The following CREM variants were observed in gnomAD, a reference collection of about 807,000 sequenced individuals.
The protein encoded by CREM is cAMP-responsive element modulator.
A neutral mutation model predicts 37.3 loss-of-function variants in CREM; 13 were observed. The observed-to-expected ratio is 0.35, with a 90% CI of 0.23 to 0.55. The LOEUF is 0.55. Among genes scored for constraint, CREM ranks in the 20% least tolerant of loss-of-function variants. The pLI, the probability that CREM is intolerant of heterozygous loss-of-function variation, is 0.88. For missense variants in CREM, 296 were observed against 362.3 expected, an observed-to-expected ratio of 0.82 and a Z score of 1.49; for synonymous variants, 124 against 120.2, an observed-to-expected ratio of 1.03 and a Z score of -0.21.
In CREM at chr10:35,175,529, G is replaced by A. The variant is rs561690051; in HGVS notation, c.169-3360G>A. ...TAGTTTATACTCTGGCCTAAGAAAG[G>A]CTTCACTGTTAGTAGGCGTGAGGTC... On this transcript the variant is annotated intron_variant, in intron 3 of 7. Coordinates refer to ENST00000685392, the MANE Select transcript of CREM (RefSeq NM_183011.2). 3.6e-5 allele frequency: 25 copies of A among 697,190 alleles called. No individual in the cohort carries two copies. The African/African-American group carries it at 4.5e-4, about 13-fold the overall frequency. The allele number at this position is 697,190 out of a possible 1,614,324, so 43.2% of individuals were successfully genotyped here. A position where few individuals can be genotyped will look rare whatever the true frequency, so the allele number is the denominator to read the frequency against.
At chr10:35,133,578 C>T (rs4294520) in intron 1 of CREM, among the ~76,000 whole-genome samples, 44,548 of 152,088 alleles carry the variant, frequency 0.29, 7,071 homozygotes, top group South Asian at 0.35. Flanking sequence ...GGATTACAGG[C>T]GTGAGCCATG....
At chr10:35,173,507 C>A (rs938609423) in intron 3 of CREM, among the ~76,000 whole-genome samples, 1 of 152,102 alleles carries the variant, frequency 6.6e-6, no homozygotes, top group Non-Finnish European at 1.5e-5. Context: ...AAAATGTAAT[C>A]ATTTTTCATA....
At chr10:35,196,027 G>A in intron 6 of CREM, 1 of 1,612,686 alleles carries the variant, frequency 6.2e-7, no homozygotes, top group Non-Finnish European at 8.5e-7. Context: ...GTGGTTGTCT[G>A]CTTGAAGAGG....
chr10:35,139,936 A>G (rs901185926), intron 2 of CREM, among the ~76,000 whole-genome samples: 1 of 152,190 alleles, frequency 6.6e-6, no homozygotes, highest in Non-Finnish European at 1.5e-5. Flanking sequence ...TGCCTGGTAC[A>G]GTGCTTGACC....
At chr10:35,161,844 G>T (rs965056515) in intron 3 of CREM, among the ~76,000 whole-genome samples, 1 of 152,166 alleles carries the variant, frequency 6.6e-6, no homozygotes, top group African/African-American at 2.4e-5. Context: ...AATTTGTATA[G>T]CCATATGGAA....
chr10:35,144,212 G>A (rs1197967370), intron 2 of CREM, among the ~76,000 whole-genome samples: 1 of 152,192 alleles, frequency 6.6e-6, no homozygotes, highest in East Asian at 1.9e-4. Context: ...AGGAGGAGGA[G>A]TTGGGATGGC....
intron 3 of CREM, among the ~76,000 whole-genome samples, chr10:35,160,879 T>G (rs2093250211): frequency 6.6e-6 from 1 of 152,244 alleles, no homozygotes; most frequent in Non-Finnish European, 1.5e-5. Context: ...CAGGATCATC[T>G]GTATTGCTGT....
At chr10:35,186,593 TA>T (rs1190557037) in intron 5 of CREM, among the ~76,000 whole-genome samples, 1 of 146,568 alleles carries the variant, frequency 6.8e-6, no homozygotes, top group African/African-American at 2.5e-5. Flanking sequence ...ATAACCAAAA[TA>T]TGTTTTTATA....
intron 3 of CREM, among the ~76,000 whole-genome samples, chr10:35,155,537 A>G (rs556891485): frequency 1.1e-4 from 17 of 152,364 alleles, no homozygotes; most frequent in Admixed American, 6.5e-4. Flanking sequence ...AACAAAAAAA[A>G]TAGGCTAGAC....
At chr10:35,163,329 C>T (rs2093384565) in intron 3 of CREM, among the ~76,000 whole-genome samples, 1 of 149,968 alleles carries the variant, frequency 6.7e-6, no homozygotes, top group African/African-American at 2.5e-5. Context: ...TTGGTCTCCC[C>T]TGTCTTTTGT....
intron 3 of CREM, among the ~76,000 whole-genome samples, chr10:35,167,208 CTTA>C (rs1311650629): frequency 2.0e-5 from 3 of 151,856 alleles, no homozygotes; most frequent in African/African-American, 4.8e-5. Context: ...TTATAATATT[CTTA>C]TTATTTTCAG....
In CREM at chr10:35,158,806, TTTGTTGTTTTGTTTG is replaced by T. The variant is rs1243875903; in HGVS notation, c.168+10318_168+10332del. Among the ~76,000 whole-genome samples the T allele has an allele frequency of 2.5e-4, 25 of 100,514 alleles. 5 individuals are homozygous for T. The highest frequency in any genetic ancestry group is 3.9e-4 in the Non-Finnish European group (17 of 43,416). 65.9% of individuals were successfully genotyped at this position (100,514 alleles called of 152,430 possible). ...AGAGTAGCAAATATAGTGTTTTTTT[TTTGTTGTTTTGTTTG>T]TTTTTTTTTTTTTTTTACAGACTTA... is the stretch of plus-strand genomic sequence containing the variant. On this transcript the variant is annotated intron_variant, in intron 3 of 7. Coordinates refer to ENST00000685392, the MANE Select transcript of CREM (RefSeq NM_183011.2).
At chr10:35,209,478 C>T in intron 7 of CREM, 1 of 544,988 alleles carries the variant, frequency 1.8e-6, no homozygotes, top group East Asian at 1.5e-4. Context: ...TCGGGGAAAG[C>T]TTTGTGCCTG....
intron 3 of CREM, among the ~76,000 whole-genome samples, chr10:35,163,762 A>G (rs2093406370): frequency 6.6e-6 from 1 of 152,130 alleles, no homozygotes. Flanking sequence ...CGGAGGTTGC[A>G]GTGAGCCAAG....
chr10:35,191,722 T>C (rs1036600986), intron 6 of CREM, among the ~76,000 whole-genome samples: 4 of 152,178 alleles, frequency 2.6e-5, no homozygotes, highest in Admixed American at 2.6e-4. Context: ...GTTGCTGGGC[T>C]AAGCTTCCCC....
intron 3 of CREM, among the ~76,000 whole-genome samples, chr10:35,157,578 A>G (rs189200688): frequency 4.0e-5 from 6 of 151,230 alleles, no homozygotes; most frequent in East Asian, 3.9e-4. Flanking sequence ...ACAGGTTGCA[A>G]TGAGCCAAGA....
chr10:35,154,212 A>G, intron 3 of CREM: 1 of 396,186 alleles, frequency 2.5e-6, no homozygotes, highest in Non-Finnish European at 4.4e-6. Context: ...TTGGAATGGC[A>G]TTTCTCTGTT....
chr10:35,156,568 C>T (rs2092928257), intron 3 of CREM, among the ~76,000 whole-genome samples: 1 of 152,164 alleles, frequency 6.6e-6, no homozygotes, highest in Non-Finnish European at 1.5e-5. Flanking sequence ...TTTTCTTTCC[C>T]TTATTTTATC....
At chr10:35,161,663 C>CA (rs34337323) in intron 3 of CREM, among the ~76,000 whole-genome samples, 251 of 139,396 alleles carry the variant, frequency 1.8e-3, no homozygotes, top group African/African-American at 5.5e-3. Context: ...ACTGTCTCAC[C>CA]AAAAAAAAAA....
Sources: gnomAD v4.1 joint callset for allele counts (sites outside exome capture counted in the v4.1 genomes callset) on GRCh38, gnomAD v4.1.1 for gene constraint, MANE v1.5 for transcripts, NCBI Gene and HGNC (gene_info 2026-07-23, HGNC 2026-07-21) for gene names.